SPEN: variants seen among roughly 807,000 people sequenced by gnomAD.
The protein encoded by SPEN is msx2-interacting protein.
Under a neutral mutation model 269.9 loss-of-function variants are expected in SPEN, and 18 were observed. The ratio of observed to expected loss-of-function variants is 0.07; its 90% CI spans 0.05 to 0.10. The LOEUF (loss-of-function observed/expected upper bound fraction) is 0.10, where lower values mean the gene tolerates loss of function less well. Among genes scored for constraint, SPEN ranks in the 10% least tolerant of loss-of-function variants. The pLI, the probability that SPEN is intolerant of heterozygous loss-of-function variation, is 1.00. For missense variants in SPEN, 3,822 were observed against 4,631.2 expected, an observed-to-expected ratio of 0.83 and a Z score of 5.07; for synonymous variants, 1,726 against 1,765.7, an observed-to-expected ratio of 0.98 and a Z score of 0.56.
At chr1:15,897,124 A>C (rs989574126) in intron 3 of SPEN, among the ~76,000 whole-genome samples, 1 of 152,200 alleles carries the variant, frequency 6.6e-6, no homozygotes, top group Non-Finnish European at 1.5e-5. Context: ...AAATCTTTGT[A>C]GTTTCTGATG....
Position 15,934,628 on chromosome 1 carries a change from T to C in SPEN, c.8388T>C (p.Arg2796=), listed in dbSNP as rs755695790. 1 of 1,613,892 alleles carries C rather than the reference T, an allele frequency of 6.2e-7. No homozygotes were observed. Among genetic ancestry groups the C allele is most frequent in the Non-Finnish European group, 8.5e-7 (1 of 1,179,824 alleles). Reference sequence around the variant, plus strand: ...GGTCCATGCCTGTGATCGACGATCGTCCGGCAGACGCGGGCTCAGGGGCGG... The same window carrying C: ...GGTCCATGCCTGTGATCGACGATCGCCCGGCAGACGCGGGCTCAGGGGCGG... ...HPGSMPVIDD[R]PADAGSGAGL... The change falls in exon 11 of 15, where the codon CGT becomes CGC. Residue 2796 remains arginine, a synonymous_variant. Transcript: ENST00000375759. The surrounding 1 kb of genome is among the most constrained non-coding windows in gnomAD (Gnocchi z 9.2).
rs2071300803 is a variant in SPEN, at chr1:15,938,450, C to T, written c.10705-268C>T. ...ATTCTTGAAGTGAGCAATGAAGGGTCCACTATGCTTCTACTTGGTGGGGGG... is the reference window on the plus strand; with the variant it reads ...ATTCTTGAAGTGAGCAATGAAGGGTTCACTATGCTTCTACTTGGTGGGGGG... On this transcript the variant is annotated intron_variant, in intron 13 of 14. Coordinates refer to ENST00000375759, the MANE Select transcript of SPEN (RefSeq NM_015001.3). 8 of 370,126 alleles carry T rather than the reference C, an allele frequency of 2.2e-5. No homozygotes were observed. The South Asian group carries it at 3.0e-4, about 14-fold the overall frequency. 22.9% of individuals were successfully genotyped at this position (370,126 alleles called of 1,614,324 possible).
intron 3 of SPEN, among the ~76,000 whole-genome samples, chr1:15,896,837 G>A (rs906691504): frequency 6.6e-6 from 1 of 152,146 alleles, no homozygotes; most frequent in African/African-American, 2.4e-5. Flanking sequence ...GTGTGGTGGC[G>A]CATGCCTGTT....
In SPEN at chr1:15,937,612, C is replaced by G; in HGVS notation, c.10476C>G (p.Ser3492=). ...AAGATTCCTCTCCACACCTGACTTC[C>G]CAGAGACCCGTGGATATGGTTCAAC... ...PKQDSSPHLT[S]QRPVDMVQLL... Residue 3492 remains serine, a synonymous_variant, in exon 12 of 15, where the codon TCC becomes TCG. Coordinates refer to ENST00000375759, the MANE Select transcript of SPEN (RefSeq NM_015001.3). This position sits in a 1 kb window ranked among gnomAD's most constrained non-coding sequence, Gnocchi z 5.7. The G allele has an allele frequency of 6.2e-7, 1 of 1,614,008 alleles. No homozygotes were observed. Among genetic ancestry groups the G allele is most frequent in the Non-Finnish European group, 8.5e-7 (1 of 1,179,862 alleles).
chr1:15,935,886 G>A lies in SPEN; in HGVS notation c.9646G>A (p.Val3216Met), dbSNP rs2071269751. The change falls in exon 11 of 15, where the codon GTG becomes ATG. Residue 3216 changes from valine (V) to methionine (M), a missense_variant. Physicochemically the swap from Val to Met is conservative, Grantham distance 21 (BLOSUM62 1). This residue lies in a region of SPEN where 359 missense variants were observed against 377.3 expected (regional missense o/e 0.95). Coordinates refer to ENST00000375759, the MANE Select transcript of SPEN (RefSeq NM_015001.3). The surrounding 1 kb of genome is among the most constrained non-coding windows in gnomAD (Gnocchi z 7.7). ...CGAGCAGCCCAGGGCCGCGGATGGG[G>A]TGGTGAAGGTGCCACCAGCCAGCAA... ...VSEQPRAADG[V>M]VKVPPASKAP... The A allele has an allele frequency of 6.2e-7, 1 of 1,613,332 alleles. No individual in the cohort carries two copies. The highest frequency in any genetic ancestry group is 8.5e-7 in the Non-Finnish European group (1 of 1,179,966).
chr1:15,852,046 G>C (rs891603109), intron 1 of SPEN, among the ~76,000 whole-genome samples: 1 of 152,246 alleles, frequency 6.6e-6, no homozygotes, highest in East Asian at 1.9e-4. Flanking sequence ...TAAAATGTTT[G>C]ATCACAGTGG....
intron 9 of SPEN, among the ~76,000 whole-genome samples, chr1:15,921,447 T>C (rs1208628719): frequency 1.3e-5 from 2 of 152,250 alleles, no homozygotes; most frequent in South Asian, 2.1e-4. Flanking sequence ...TACAATTTTA[T>C]GCTCAGCTAC....
Position 15,937,743 on chromosome 1 carries a change from T to G in SPEN, c.10510-69T>G. ...GTTAACAGACCCACAAGCTACAGCCTCTGGCTGTGTCCAGCATGGCTCAGC... is the reference window on the plus strand; with the variant it reads ...GTTAACAGACCCACAAGCTACAGCCGCTGGCTGTGTCCAGCATGGCTCAGC... On this transcript the variant is annotated intron_variant, in intron 12 of 14. Coordinates refer to ENST00000375759, the MANE Select transcript of SPEN (RefSeq NM_015001.3). The surrounding 1 kb of genome is among the most constrained non-coding windows in gnomAD (Gnocchi z 5.7). 6.2e-7 allele frequency: 1 copy of G among 1,607,378 alleles called. No individual in the cohort carries two copies. The highest frequency in any genetic ancestry group is 1.1e-5 in the South Asian group (1 of 90,776).
chr1:15,859,140 GTTT>G (rs34623941), intron 1 of SPEN, among the ~76,000 whole-genome samples: 2 of 135,666 alleles, frequency 1.5e-5, no homozygotes, highest in African/African-American at 5.6e-5. Context: ...TTCTTTTTTA[GTTT>G]TTTTTTTTTT....
intron 3 of SPEN, among the ~76,000 whole-genome samples, chr1:15,883,637 A>G (rs1203166908): frequency 3.3e-5 from 5 of 151,956 alleles, no homozygotes; most frequent in Non-Finnish European, 7.4e-5. Flanking sequence ...CCGGCCTAAA[A>G]CAATTTACTT....
chr1:15,858,797 A>AC (rs1393773668), intron 1 of SPEN, among the ~76,000 whole-genome samples: 1 of 151,882 alleles, frequency 6.6e-6, no homozygotes, highest in South Asian at 2.1e-4. Context: ...AACAAAAAAA[A>AC]CCCGGGCACG....
chr1:15,850,443 A>G (rs888777836), intron 1 of SPEN, among the ~76,000 whole-genome samples: 2 of 151,932 alleles, frequency 1.3e-5, no homozygotes, highest in African/African-American at 2.4e-5. Context: ...AGTTGTTTAA[A>G]TAGACAGTAC....
chr1:15,925,732 G>T (rs570758094), intron 10 of SPEN, among the ~76,000 whole-genome samples: 15 of 151,880 alleles, frequency 9.9e-5, no homozygotes, highest in African/African-American at 3.6e-4. Flanking sequence ...TTTAGATATA[G>T]TTTTAGTTTG....
chr1:15,930,381 G>A lies in SPEN; in HGVS notation c.4141G>A (p.Asp1381Asn). Residue 1381 changes from aspartate (D) to asparagine (N), a missense_variant, in exon 11 of 15, where the codon GAT becomes AAT. Coordinates refer to ENST00000375759, the MANE Select transcript of SPEN (RefSeq NM_015001.3). The surrounding 1 kb of genome is among the most constrained non-coding windows in gnomAD (Gnocchi z 5.3). Reference protein sequence around the residue: ...RDLEPGEVPSDSDEDGEHKSH... With the variant: ...RDLEPGEVPSNSDEDGEHKSH... ...TCTGGAACCTGGTGAGGTGCCTTCT[G>A]ATTCTGACGAAGATGGTGAACACAA... 1 of 1,613,592 alleles carries A rather than the reference G, an allele frequency of 6.2e-7. No individual in the cohort carries two copies. Among genetic ancestry groups the A allele is most frequent in the Non-Finnish European group, 8.5e-7 (1 of 1,179,604 alleles).
chr1:15,909,175 A>G, intron 3 of SPEN, 146 bp from the exon 4 acceptor site: 2 of 708,166 alleles, frequency 2.8e-6, no homozygotes, highest in South Asian at 4.5e-5. Flanking sequence ...CTGAAGGTAG[A>G]GTACGAGATA....
intron 3 of SPEN, among the ~76,000 whole-genome samples, chr1:15,906,755 C>T (rs527701026): frequency 2.0e-5 from 3 of 148,558 alleles, no homozygotes; most frequent in Admixed American, 6.7e-5. Context: ...TGAGCCACTG[C>T]ACTCGGCATG....
intron 1 of SPEN, among the ~76,000 whole-genome samples, chr1:15,860,209 C>T (rs932720682): frequency 6.6e-5 from 10 of 151,372 alleles, no homozygotes; most frequent in Non-Finnish European, 1.3e-4. Flanking sequence ...CCGTGCCTGG[C>T]GTAGTTAACA....
intron 3 of SPEN, among the ~76,000 whole-genome samples, chr1:15,887,749 C>T (rs1334589695): frequency 4.0e-5 from 6 of 150,220 alleles, no homozygotes; most frequent in East Asian, 4.0e-4. Flanking sequence ...CCTTCAGGTA[C>T]GGTGGCTCAC....
Position 15,928,613 on chromosome 1 carries a change from A to T in SPEN, c.2373A>T (p.Thr791=), listed in dbSNP as rs1480553472. 1 of 1,614,180 alleles carries T rather than the reference A, an allele frequency of 6.2e-7. No homozygotes were observed. The highest frequency in any genetic ancestry group is 1.1e-5 in the South Asian group (1 of 91,082). The change falls in exon 11 of 15, where the codon ACA becomes ACT. Residue 791 remains threonine (T), a synonymous_variant. Coordinates refer to ENST00000375759, the MANE Select transcript of SPEN (RefSeq NM_015001.3). This position sits in a 1 kb window ranked among gnomAD's most constrained non-coding sequence, Gnocchi z 5.7. Reference sequence around the variant, plus strand: ...AGCGCTATACAAAAAATGAAAAGACAGATAAAGAACGAACTTTTGATCCGG... The same window carrying T: ...AGCGCTATACAAAAAATGAAAAGACTGATAAAGAACGAACTTTTGATCCGG... ...RLERYTKNEK[T]DKERTFDPER... is the part of the protein sequence containing the mutation.
Sources: gnomAD v4.1 joint callset for allele counts (sites outside exome capture counted in the v4.1 genomes callset) on GRCh38, gnomAD v4.1.1 for gene constraint, gnomAD v4.1.1 regional missense constraint, Gnocchi (gnomAD v3.1) non-coding constraint, MANE v1.5 for transcripts, NCBI Gene and HGNC (gene_info 2026-07-23, HGNC 2026-07-21) for gene names.